The following MBNL2 variants were observed in gnomAD, a reference collection of about 807,000 sequenced individuals.
MBNL2 encodes the protein muscleblind like splicing regulator 2, also known as muscleblind-like protein 2.
A neutral mutation model predicts 41.9 loss-of-function variants in MBNL2; 17 were observed. That is an observed-to-expected ratio of 0.41 (90% confidence interval 0.28 to 0.61). The LOEUF is 0.61. Among genes scored for constraint, MBNL2 ranks in the 20% least tolerant of loss-of-function variants. MBNL2 has a pLI of 0.35. For synonymous variants in MBNL2, 195 were observed against 182.9 expected, an observed-to-expected ratio of 1.07 and a Z score of -0.53; for missense variants, 336 against 505.6, an observed-to-expected ratio of 0.66 and a Z score of 3.22.
At chr13:97,315,891 A>T (rs540343278) in intron 2 of MBNL2, among the ~76,000 whole-genome samples, 3 of 152,222 alleles carry the variant, frequency 2.0e-5, no homozygotes, top group Admixed American at 2.0e-4. Context: ...AGGCAGTTGG[A>T]TGCGATTCAG....
the MBNL2 span, among the ~76,000 whole-genome samples, chr13:97,158,122 G>C: frequency 1.2e-4 from 18 of 151,930 alleles, no homozygotes; most frequent in Admixed American, 3.9e-4. Context: ...GTTTAGTCTT[G>C]GGAGAGTGTA....
the MBNL2 span, among the ~76,000 whole-genome samples, chr13:97,162,163 T>C: frequency 6.6e-6 from 1 of 152,184 alleles, no homozygotes; most frequent in Non-Finnish European, 1.5e-5. Flanking sequence ...CTCACGAGAA[T>C]AGCACCAAGG....
chr13:97,237,083 A>G (rs1280889318), intron 1 of MBNL2, among the ~76,000 whole-genome samples: 2 of 152,204 alleles, frequency 1.3e-5, no homozygotes, highest in Non-Finnish European at 2.9e-5. Flanking sequence ...AAAAATAAAT[A>G]AGGATGGCTA....
intron 8 of MBNL2, among the ~76,000 whole-genome samples, chr13:97,368,930 T>A (rs183785360): frequency 2.2e-4 from 34 of 152,348 alleles, no homozygotes; most frequent in African/African-American, 7.9e-4. Context: ...TGACAGTAGC[T>A]TCAAGAATCC....
intron 1 of MBNL2, among the ~76,000 whole-genome samples, chr13:97,262,672 C>G (rs1255003790): frequency 6.6e-6 from 1 of 152,294 alleles, no homozygotes; most frequent in Admixed American, 6.5e-5. Flanking sequence ...CTTCTATACC[C>G]GTTTCTAGCT....
the MBNL2 span, among the ~76,000 whole-genome samples, chr13:97,197,923 A>G: frequency 6.6e-6 from 1 of 152,306 alleles, no homozygotes; most frequent in South Asian, 2.1e-4. Context: ...AGCAAGTTAG[A>G]AAGATATTAG....
intron 2 of MBNL2, among the ~76,000 whole-genome samples, chr13:97,326,690 G>T (rs552645299): frequency 1.3e-5 from 2 of 152,284 alleles, no homozygotes; most frequent in Admixed American, 6.5e-5. Flanking sequence ...ATATTAGGTA[G>T]TTGGAACTAA....
intron 5 of MBNL2, among the ~76,000 whole-genome samples, chr13:97,349,939 G>A (rs997569607): frequency 6.6e-6 from 1 of 152,174 alleles, no homozygotes; most frequent in Non-Finnish European, 1.5e-5. Flanking sequence ...TGGGGCAGGG[G>A]AAGAAGTTAA....
intron 7 of MBNL2, among the ~76,000 whole-genome samples, chr13:97,363,541 C>T (rs2063600525): frequency 1.3e-5 from 2 of 150,714 alleles, no homozygotes; most frequent in Admixed American, 1.3e-4. Flanking sequence ...GAATTAGGAA[C>T]AGTGAGATGA....
In MBNL2 at chr13:97,299,043, A is replaced by G. The variant is rs980142545; in HGVS notation, c.174+22634A>G. ...TGGCTGGTTTGGGAAGAAGTCAGAA[A>G]GAAAGCAATGGGATGTTAGGAATTG... On this transcript the variant is annotated intron_variant, in intron 2 of 8. Coordinates refer to ENST00000679496, the MANE Select transcript of MBNL2 (RefSeq NM_001382683.1). Among the ~76,000 whole-genome samples the G allele has an allele frequency of 3.5e-4, 54 of 152,334 alleles. 1 individual carries two copies. The highest frequency in any genetic ancestry group is 1.3e-3 in the African/African-American group (53 of 41,572).
the MBNL2 span, among the ~76,000 whole-genome samples, chr13:97,209,578 C>T: frequency 6.6e-6 from 1 of 152,096 alleles, no homozygotes; most frequent in Non-Finnish European, 1.5e-5. Flanking sequence ...AATTAGTTAG[C>T]CCCTTTGTCT....
chr13:97,149,526 A>G, the MBNL2 span, among the ~76,000 whole-genome samples: 2 of 152,184 alleles, frequency 1.3e-5, no homozygotes, highest in Admixed American at 6.5e-5. Context: ...AGCCAATAAT[A>G]GCAAACACTT....
At position 97,346,109 on chromosome 13, in the gene MBNL2, G is replaced by A. The variant is rs1479439475; in HGVS notation, c.541-695G>A. Among the ~76,000 whole-genome samples the A allele has an allele frequency of 2.6e-5, 4 of 152,014 alleles. No homozygotes were observed. The highest frequency in any genetic ancestry group is 9.7e-5 in the African/African-American group (4 of 41,372). ...ATGGCTGGATGGATAGATGATAGAT[G>A]GATGAATGAATGGCTGGCTGGATGG... On this transcript the variant is annotated intron_variant, in intron 4 of 8. Coordinates refer to ENST00000679496, the MANE Select transcript of MBNL2 (RefSeq NM_001382683.1). The surrounding 1 kb of genome is among the most constrained non-coding windows in gnomAD (Gnocchi z 4.2).
intron 1 of MBNL2, among the ~76,000 whole-genome samples, chr13:97,274,820 T>G (rs2051848072): frequency 1.3e-5 from 2 of 152,204 alleles, no homozygotes; most frequent in African/African-American, 4.8e-5. Flanking sequence ...CTGACTATAT[T>G]TTTGTTGTAG....
chr13:97,163,466 G>A, the MBNL2 span, among the ~76,000 whole-genome samples: 5 of 152,286 alleles, frequency 3.3e-5, no homozygotes, highest in South Asian at 8.3e-4. Flanking sequence ...GCAAATCTGG[G>A]AAGGGGACTG....
chr13:97,230,894 G>C (rs1444779091), intron 1 of MBNL2, among the ~76,000 whole-genome samples: 2 of 152,194 alleles, frequency 1.3e-5, no homozygotes, highest in African/African-American at 4.8e-5. Context: ...CTTTGTAGCT[G>C]TATCTCTCGT....
the MBNL2 span, among the ~76,000 whole-genome samples, chr13:97,189,594 GTATA>G: frequency 1.3e-5 from 2 of 152,194 alleles, no homozygotes; most frequent in African/African-American, 4.8e-5. Flanking sequence ...CTACATTCCT[GTATA>G]TATGCATGCA....
chr13:97,240,097 C>T (rs1461469221), intron 1 of MBNL2, among the ~76,000 whole-genome samples: 4 of 152,202 alleles, frequency 2.6e-5, no homozygotes, highest in Non-Finnish European at 5.9e-5. Flanking sequence ...TCCAGGGCCC[C>T]ACCCCAGACT....
intron 1 of MBNL2, among the ~76,000 whole-genome samples, chr13:97,223,632 G>A (rs117366278): frequency 1.3e-3 from 201 of 152,340 alleles, no homozygotes; most frequent in Non-Finnish European, 2.5e-3. Flanking sequence ...AAGGTTAAGT[G>A]GAAAGCTATT....
Sources: allele counts gnomAD v4.1 joint callset (sites outside exome capture counted in the v4.1 genomes callset), GRCh38; gene constraint gnomAD v4.1.1; non-coding constraint Gnocchi (gnomAD v3.1); transcripts MANE v1.5; gene names NCBI Gene and HGNC (gene_info 2026-07-23, HGNC 2026-07-21).